NTNG1: variants seen among roughly 807,000 people sequenced by gnomAD.
NTNG1 encodes netrin G1, also known as netrin-G1.
In NTNG1, 16 loss-of-function variants were observed where a neutral mutation model predicts 54.0. That is an observed-to-expected ratio of 0.30 (90% confidence interval 0.20 to 0.45). The LOEUF (loss-of-function observed/expected upper bound fraction) is 0.45. NTNG1 is among the 20% of genes least tolerant of loss of function. NTNG1 has a pLI of 1.00. For synonymous variants in NTNG1, 255 were observed against 263.1 expected (o/e 0.97, Z 0.30); for missense variants, 530 against 678.7 (o/e 0.78, Z 2.43).
chr1:107,269,991 A>G (rs572855754), intron 2 of NTNG1, among the ~76,000 whole-genome samples: 3 of 152,234 alleles, frequency 2.0e-5, no homozygotes, highest in Non-Finnish European at 2.9e-5. Flanking sequence ...TGCCATTGAA[A>G]AGCCACTGAA....
At chr1:107,270,510 C>T (rs894764277) in intron 2 of NTNG1, among the ~76,000 whole-genome samples, 2 of 152,156 alleles carry the variant, frequency 1.3e-5, no homozygotes, top group African/African-American at 4.8e-5. Flanking sequence ...TAGAAATAAA[C>T]AATTCCTATA....
At chr1:107,330,196 C>T (rs2101895028) in intron 3 of NTNG1, among the ~76,000 whole-genome samples, 1 of 152,190 alleles carries the variant, frequency 6.6e-6, no homozygotes, top group East Asian at 1.9e-4. Context: ...ACCATCTTCC[C>T]TTTATGGGTC....
chr1:107,420,673 C>G (rs961884265), intron 5 of NTNG1, among the ~76,000 whole-genome samples: 1 of 151,914 alleles, frequency 6.6e-6, no homozygotes, highest in African/African-American at 2.4e-5. Context: ...CAAAAATAGT[C>G]TAAATGGTGT....
At chr1:107,464,524 G>A (rs1404453661) in intron 7 of NTNG1, among the ~76,000 whole-genome samples, 3 of 152,166 alleles carry the variant, frequency 2.0e-5, no homozygotes, top group Non-Finnish European at 4.4e-5. Context: ...GGGTGAATGG[G>A]AGCAAAGACC....
chr1:107,302,865 T>C (rs1264652882), intron 2 of NTNG1, among the ~76,000 whole-genome samples: 1 of 152,214 alleles, frequency 6.6e-6, no homozygotes, highest in African/African-American at 2.4e-5. Flanking sequence ...TTATATTTCT[T>C]TTGCTACAAT....
intron 2 of NTNG1, among the ~76,000 whole-genome samples, chr1:107,169,557 T>C (rs1656063781): frequency 6.6e-6 from 1 of 152,136 alleles, no homozygotes; most frequent in South Asian, 2.1e-4. Context: ...AAGGCCTTCA[T>C]AGGAATAGTT....
At chr1:107,217,612 C>T (rs1660059329) in intron 2 of NTNG1, among the ~76,000 whole-genome samples, 1 of 152,158 alleles carries the variant, frequency 6.6e-6, no homozygotes, top group Admixed American at 6.5e-5. Context: ...CCTCTTAGCA[C>T]TGACCTTGCT....
chr1:107,242,872 T>C (rs1661939699), intron 2 of NTNG1, among the ~76,000 whole-genome samples: 1 of 152,154 alleles, frequency 6.6e-6, no homozygotes, highest in African/African-American at 2.4e-5. Flanking sequence ...TACTGAAGAG[T>C]TGAATGCAAC....
Position 107,320,717 on chromosome 1 carries a change from C to CTT in NTNG1, c.247-3556_247-3555dup, listed in dbSNP as rs11411662. ...GAAGTGCAGGGGACCAAAATGAAATCTTTTTTTTTTCCTGCTTCCTCTTTT... is the reference window on the plus strand; with the variant it reads ...GAAGTGCAGGGGACCAAAATGAAATCTTTTTTTTTTTTCCTGCTTCCTCTTTT... On this transcript the variant is annotated intron_variant, in intron 2 of 7. Transcript: ENST00000370068. 1.1e-3 allele frequency among the ~76,000 whole-genome samples: 145 copies of CTT among 136,800 alleles called. 2 individuals are homozygous for CTT. Among genetic ancestry groups the CTT allele is most frequent in the Admixed American group, 2.6e-3 (36 of 13,634 alleles). 89.7% of individuals were successfully genotyped at this position (136,800 alleles called of 152,430 possible).
intron 2 of NTNG1, among the ~76,000 whole-genome samples, chr1:107,271,739 G>A (rs753238204): frequency 2.6e-5 from 4 of 151,740 alleles, no homozygotes; most frequent in Non-Finnish European, 5.9e-5. Flanking sequence ...CCCATCTTTA[G>A]GTGAAAAAAA....
At chr1:107,466,682 C>T (rs966239940) in intron 7 of NTNG1, among the ~76,000 whole-genome samples, 1 of 152,184 alleles carries the variant, frequency 6.6e-6, no homozygotes, top group Non-Finnish European at 1.5e-5. Flanking sequence ...GCTCTAACAT[C>T]TTTTCCCTGT....
rs898453187 is a variant in NTNG1, at chr1:107,367,699, T to C, written c.888-27455T>C. Among the ~76,000 whole-genome samples the C allele has an allele frequency of 2.0e-5, 3 of 152,262 alleles. No homozygotes were observed. In the South Asian group the frequency reaches 6.2e-4, roughly 32 times the overall value. ...TTAGTCTACTGTAGTTACTCTGTGC[T>C]AAAATCTTTATTTTTTATTTTTTCT... On this transcript the variant is annotated intron_variant, in intron 3 of 7. Coordinates refer to ENST00000370068, the MANE Select transcript of NTNG1 (RefSeq NM_001113226.3).
intron 3 of NTNG1, among the ~76,000 whole-genome samples, chr1:107,352,185 T>G (rs1248315961): frequency 1.3e-5 from 2 of 151,874 alleles, no homozygotes; most frequent in East Asian, 3.9e-4. Context: ...GGCTCTGGAG[T>G]ACAGTGGCCC....
At chr1:107,361,308 CATA>C (rs1448751313) in intron 3 of NTNG1, among the ~76,000 whole-genome samples, 2 of 132,432 alleles carry the variant, frequency 1.5e-5, no homozygotes, top group African/African-American at 5.5e-5. Flanking sequence ...AAATATATAA[CATA>C]ATATATAACA....
At chr1:107,467,250 AT>A (rs1015226063) in intron 7 of NTNG1, among the ~76,000 whole-genome samples, 2 of 152,186 alleles carry the variant, frequency 1.3e-5, no homozygotes, top group Non-Finnish European at 2.9e-5. Context: ...GTGAACGATG[AT>A]TTTTTTCAAA....
At chr1:107,200,260 C>A (rs1048145752) in intron 2 of NTNG1, among the ~76,000 whole-genome samples, 1 of 151,944 alleles carries the variant, frequency 6.6e-6, no homozygotes, top group Non-Finnish European at 1.5e-5. Context: ...TAGGTAAGTA[C>A]AAGAGTGGCA....
At chr1:107,181,846 T>A (rs1657096809) in intron 2 of NTNG1, among the ~76,000 whole-genome samples, 1 of 152,134 alleles carries the variant, frequency 6.6e-6, no homozygotes, top group Non-Finnish European at 1.5e-5. Context: ...GCAGACTGAT[T>A]TACTATATGC....
intron 2 of NTNG1, among the ~76,000 whole-genome samples, chr1:107,285,032 T>C (rs1665100994): frequency 6.6e-6 from 1 of 152,098 alleles, no homozygotes; most frequent in Non-Finnish European, 1.5e-5. Flanking sequence ...AAAATATTTT[T>C]GACCTATATT....
At chr1:107,405,988 A>G (rs1016252379) in intron 4 of NTNG1, among the ~76,000 whole-genome samples, 1 of 152,164 alleles carries the variant, frequency 6.6e-6, no homozygotes, top group African/African-American at 2.4e-5. Context: ...TGAAATTCAT[A>G]GGGTAGAGTT....
Sources: allele counts gnomAD v4.1 joint callset (sites outside exome capture counted in the v4.1 genomes callset), GRCh38; gene constraint gnomAD v4.1.1; transcripts MANE v1.5; gene names NCBI Gene and HGNC (gene_info 2026-07-23, HGNC 2026-07-21).